The following RADIL variants were observed in gnomAD, a reference collection of about 807,000 sequenced individuals.
The protein encoded by RADIL is ras-associating and dilute domain-containing protein.
In RADIL, 99 loss-of-function variants were observed where a neutral mutation model predicts 97.6. The observed-to-expected ratio is 1.01, with a 90% CI of 0.86 to 1.20. The LOEUF (loss-of-function observed/expected upper bound fraction) is 1.20. RADIL is among the 50% of genes most tolerant of loss of function. RADIL has a pLI of 0.00. For synonymous variants in RADIL, 803 were observed against 691.8 expected (o/e 1.16, Z -2.52); for missense variants, 1,765 against 1,498.9 (o/e 1.18, Z -2.93).
intron 13 of RADIL, among the ~76,000 whole-genome samples, 173 bp downstream of exon 13, chr7:4,799,998 G>A (rs1583253074): frequency 2.6e-5 from 4 of 152,210 alleles, no homozygotes; most frequent in Admixed American, 2.0e-4. Context: ...GGCCCAGGGG[G>A]CGTGGCCGTT....
chr7:4,806,793 A>C lies in RADIL; in HGVS notation c.2140-1077T>G, dbSNP rs539549958. On this transcript the variant is annotated intron_variant, in intron 9 of 14. Transcript: ENST00000399583. ...GGACTGGTCATCTGGCTGGCACAGA[A>C]CTCCAGGCGGGAGGGCGTCACCCTT... Among the ~76,000 whole-genome samples, 85 of 152,200 alleles carry C rather than the reference A, an allele frequency of 5.6e-4. 2 individuals carry two copies. The South Asian group carries it at 0.017, about 30-fold the overall frequency.
chr7:4,883,401 C>G lies in RADIL; in HGVS notation c.-65+195G>C, dbSNP rs960371128. ...GGCCTCCGGGTACCGCCCCCCGGTC[C>G]AGGCCGGGGCCCGACAGCCAGTCGG... On this transcript the variant is annotated intron_variant, in intron 1 of 14. Transcript: ENST00000399583. The surrounding 1 kb of genome is among the most constrained non-coding windows in gnomAD (Gnocchi z 7.1). 2.6e-4 allele frequency among the ~76,000 whole-genome samples: 40 copies of G among 152,182 alleles called. No homozygotes were observed. Among genetic ancestry groups the G allele is most frequent in the Non-Finnish European group, 4.4e-4 (30 of 67,978 alleles).
At position 4,854,070 on chromosome 7, in the gene RADIL, C is replaced by T. The variant is rs543432780; in HGVS notation, c.536-17465G>A. On this transcript the variant is annotated intron_variant, in intron 2 of 14. Coordinates refer to ENST00000399583, the MANE Select transcript of RADIL (RefSeq NM_018059.5). This position sits in a 1 kb window ranked among gnomAD's most constrained non-coding sequence, Gnocchi z 5.1. ...TTGCAGGTACACCTTTGCCATTCCC[C>T]GTCTTCCTTCTTTCTTCCTGCCTTA... 3.4e-3 allele frequency among the ~76,000 whole-genome samples: 524 copies of T among 152,292 alleles called. 2 individuals carry two copies. Among genetic ancestry groups the T allele is most frequent in the Non-Finnish European group, 6.0e-3 (409 of 68,026 alleles).
chr7:4,855,108 G>C (rs963123792), intron 2 of RADIL, among the ~76,000 whole-genome samples: 1 of 152,142 alleles, frequency 6.6e-6, no homozygotes, highest in African/African-American at 2.4e-5. Flanking sequence ...GGCAGCTACG[G>C]TCTAATTTCA....
intron 2 of RADIL, among the ~76,000 whole-genome samples, chr7:4,868,269 A>G (rs1243974485): frequency 6.6e-6 from 1 of 152,182 alleles, no homozygotes; most frequent in African/African-American, 2.4e-5. Context: ...TCACCGTGTT[A>G]GCCAGAATGG....
rs1783155622 is a variant in RADIL, at chr7:4,831,993, C to CA, written c.1454+147dup. ...CTTCCCAGGGTGATGACTAAAGAAG[C>CA]AAAAAAGGCCGCTGCTTGGATGGAA... On this transcript the variant is annotated intron_variant, in intron 5 of 14. Transcript: ENST00000399583. 1.1e-5 allele frequency: 9 copies of CA among 805,694 alleles called. No homozygotes were observed. The Middle Eastern group carries it at 1.9e-3, about 166-fold the overall frequency. The allele number at this position is 805,694 out of a possible 1,614,324, so 49.9% of individuals were successfully genotyped here.
At chr7:4,860,320 C>G (rs1233139541) in intron 2 of RADIL, 2 of 1,614,022 alleles carry the variant, frequency 1.2e-6, no homozygotes, top group South Asian at 2.2e-5. Context: ...GATGAGGCAG[C>G]AGCTGGTGAA....
rs907202088 is a variant in RADIL at position 4,844,172 on chromosome 7, C to T, written c.536-7567G>A. Reference sequence around the variant, plus strand: ...GATTGAAAACAAAGAAGTTGCCAGGCGCAGTGGCCAACACCTGTAATCCCA... The same window carrying T: ...GATTGAAAACAAAGAAGTTGCCAGGTGCAGTGGCCAACACCTGTAATCCCA... On this transcript the variant is annotated intron_variant, in intron 2 of 14. Transcript: ENST00000399583. Among the ~76,000 whole-genome samples, 11 of 152,162 alleles carry T rather than the reference C, an allele frequency of 7.2e-5. No individual in the cohort carries two copies. The East Asian group carries it at 2.1e-3, about 30-fold the overall frequency.
In RADIL at chr7:4,854,170, C is replaced by G. The variant is rs1295520979; in HGVS notation, c.536-17565G>C. Among the ~76,000 whole-genome samples, 1 of 152,132 alleles carries G rather than the reference C, an allele frequency of 6.6e-6. No homozygotes were observed. Among genetic ancestry groups the G allele is most frequent in the Non-Finnish European group, 1.5e-5 (1 of 68,022 alleles). On this transcript the variant is annotated intron_variant, in intron 2 of 14. Coordinates refer to ENST00000399583, the MANE Select transcript of RADIL (RefSeq NM_018059.5). This position sits in a 1 kb window ranked among gnomAD's most constrained non-coding sequence, Gnocchi z 5.1. ...TAACCCTGAAGATAGAAGGCATGAACTAGAATGATGGGGCCGAAAGTAGAA... is the reference window on the plus strand; with the variant it reads ...TAACCCTGAAGATAGAAGGCATGAAGTAGAATGATGGGGCCGAAAGTAGAA...
rs1397235344 is a variant in RADIL at position 4,870,733 on chromosome 7, C to T, written c.535+6872G>A. 2.6e-5 allele frequency among the ~76,000 whole-genome samples: 4 copies of T among 152,186 alleles called. No homozygotes were observed. The East Asian group carries it at 5.8e-4, about 22-fold the overall frequency. ...TGCTGGGATTACAGGCGTGAGCCAC[C>T]GTGCCCGACTATTTTATGTCTTTCA... On this transcript the variant is annotated intron_variant, in intron 2 of 14. Transcript: ENST00000399583.
At chr7:4,828,636 C>T (rs1783059348) in intron 5 of RADIL, among the ~76,000 whole-genome samples, 1 of 152,200 alleles carries the variant, frequency 6.6e-6, no homozygotes, top group African/African-American at 2.4e-5. Context: ...TATTAAATCC[C>T]AAATCATCAT....
At chr7:4,811,479 C>CTTTT (rs35136302) in intron 9 of RADIL, among the ~76,000 whole-genome samples, 3 of 59,046 alleles carry the variant, frequency 5.1e-5, no homozygotes, top group Non-Finnish European at 6.2e-5. Flanking sequence ...GGTATTATTT[C>CTTTT]TTTTTTTTTT....
At position 4,800,447 on chromosome 7, in the gene RADIL, A is replaced by C. The variant is rs1298904422; in HGVS notation, c.2843-137T>G. On this transcript the variant is annotated intron_variant, in intron 12 of 14. Coordinates refer to ENST00000399583, the MANE Select transcript of RADIL (RefSeq NM_018059.5). ...CTGTGGCTCCCAGGAGACGCTGTTC[A>C]GGCAGAATGTGACCGGCAACCCAGA... 4 of 984,766 alleles carry C rather than the reference A, an allele frequency of 4.1e-6. No individual in the cohort carries two copies. The African/African-American group carries it at 6.9e-5, about 17-fold the overall frequency. 61.0% of individuals were successfully genotyped at this position (984,766 alleles called of 1,614,324 possible).
In RADIL at chr7:4,880,140, C is replaced by T. The variant is rs1312299104; in HGVS notation, c.-64-1937G>A. On this transcript the variant is annotated intron_variant, in intron 1 of 14. Coordinates refer to ENST00000399583, the MANE Select transcript of RADIL (RefSeq NM_018059.5). The surrounding 1 kb of genome is among the most constrained non-coding windows in gnomAD (Gnocchi z 4.5). ...TTCTGAAGAGGTGAATTTGCTGTAA[C>T]AGGTCACGGAGTTCCCAGTACAGGT... 6.6e-6 allele frequency among the ~76,000 whole-genome samples: 1 copy of T among 152,138 alleles called. No homozygotes were observed. The highest frequency in any genetic ancestry group is 1.9e-4 in the East Asian group (1 of 5,190).
Position 4,878,869 on chromosome 7 carries a change from C to G in RADIL, c.-64-666G>C, listed in dbSNP as rs1389602765. The stretch of plus-strand genomic sequence containing the variant: ...CGGGCAGCCCAAGGGCAAAGCTTCG[C>G]CTCTCCGTAAACCTCGTGTCTCCTA... On this transcript the variant is annotated intron_variant, in intron 1 of 14. Transcript: ENST00000399583. This position sits in a 1 kb window ranked among gnomAD's most constrained non-coding sequence, Gnocchi z 4.1. Among the ~76,000 whole-genome samples the G allele has an allele frequency of 6.6e-6, 1 of 152,248 alleles. No homozygotes were observed. Among genetic ancestry groups the G allele is most frequent in the Non-Finnish European group, 1.5e-5 (1 of 68,046 alleles).
At position 4,818,701 on chromosome 7, in the gene RADIL, T is replaced by C. The variant is rs1583278816; in HGVS notation, c.1616-1350A>G. Among the ~76,000 whole-genome samples, 1 of 152,180 alleles carries C rather than the reference T, an allele frequency of 6.6e-6. No individual in the cohort carries two copies. The highest frequency in any genetic ancestry group is 1.5e-5 in the Non-Finnish European group (1 of 68,024). ...GCAGGCGGGTCAGGAGGCTGAGCTC[T>C]GTCCCGTCCACCTGTCCTGGTGCCC... On this transcript the variant is annotated intron_variant, in intron 6 of 14. Transcript: ENST00000399583. The surrounding 1 kb of genome is among the most constrained non-coding windows in gnomAD (Gnocchi z 7.1).
chr7:4,849,053 G>A lies in RADIL; in HGVS notation c.536-12448C>T, dbSNP rs530417353. On this transcript the variant is annotated intron_variant, in intron 2 of 14. Transcript: ENST00000399583. This position sits in a 1 kb window ranked among gnomAD's most constrained non-coding sequence, Gnocchi z 5.4. ...CTCGAGAGACTGAAGCAGGAGAATC[G>A]TTTGAACCTGGGAGGCAGAGGTTGT... Among the ~76,000 whole-genome samples, 41 of 151,578 alleles carry A rather than the reference G, an allele frequency of 2.7e-4. 1 individual carries two copies. The highest frequency in any genetic ancestry group is 9.0e-4 in the African/African-American group (37 of 41,276).
At chr7:4,874,649 C>T (rs886265717) in intron 2 of RADIL, among the ~76,000 whole-genome samples, 1 of 152,214 alleles carries the variant, frequency 6.6e-6, no homozygotes, top group Non-Finnish European at 1.5e-5. Flanking sequence ...TATGGCTGGG[C>T]AGCCTGATGG....
At chr7:4,882,934 C>G (rs1021961222) in intron 1 of RADIL, among the ~76,000 whole-genome samples, 6 of 152,138 alleles carry the variant, frequency 3.9e-5, no homozygotes, top group African/African-American at 1.4e-4. Context: ...TCCGCAGCCC[C>G]GCCAGGGCCC....
Sources: allele counts gnomAD v4.1 joint callset (sites outside exome capture counted in the v4.1 genomes callset), GRCh38; gene constraint gnomAD v4.1.1; non-coding constraint Gnocchi (gnomAD v3.1); transcripts MANE v1.5; gene names NCBI Gene and HGNC (gene_info 2026-07-23, HGNC 2026-07-21).